Variants in ASTN2 observed in about 807,000 individuals in gnomAD.
The protein encoded by ASTN2 is astrotactin 2.
In ASTN2, 54 loss-of-function variants were observed where a neutral mutation model predicts 139.8. That is an observed-to-expected ratio of 0.39 (90% CI 0.31 to 0.48). The LOEUF (loss-of-function observed/expected upper bound fraction) is 0.48, where lower values mean the gene tolerates loss of function less well. Among genes scored for constraint, ASTN2 ranks in the 20% least tolerant of loss-of-function variants. The pLI, the probability that ASTN2 is intolerant of heterozygous loss-of-function variation, is 0.95. For synonymous variants in ASTN2, 756 were observed against 719.5 expected (o/e 1.05, Z -0.81); for missense variants, 1,565 against 1,725.1 (o/e 0.91, Z 1.64).
chr9:116,517,739 T>C (rs893048280), intron 19 of ASTN2, among the ~76,000 whole-genome samples: 10 of 152,222 alleles, frequency 6.6e-5, no homozygotes, highest in African/African-American at 2.2e-4. Flanking sequence ...GAAGTCCAAC[T>C]TGAAGAAATA....
At chr9:116,499,334 A>T (rs1467876489) in intron 19 of ASTN2, among the ~76,000 whole-genome samples, 1 of 152,152 alleles carries the variant, frequency 6.6e-6, no homozygotes, top group Non-Finnish European at 1.5e-5. Context: ...GGCAGGGATG[A>T]TGCCGGAGAG....
chr9:117,106,964 A>G (rs1407036285), intron 4 of ASTN2, among the ~76,000 whole-genome samples: 2 of 152,194 alleles, frequency 1.3e-5, no homozygotes, highest in Admixed American at 6.5e-5. Context: ...TCATCTATAC[A>G]TGTATCTATA....
At chr9:117,120,227 A>C (rs1475669025) in intron 4 of ASTN2, among the ~76,000 whole-genome samples, 1 of 151,734 alleles carries the variant, frequency 6.6e-6, no homozygotes, top group Non-Finnish European at 1.5e-5. Context: ...ACCTTCCCAC[A>C]CGTGTTCTGA....
At chr9:117,205,243 G>T (rs1346698142) in intron 3 of ASTN2, among the ~76,000 whole-genome samples, 16 of 147,744 alleles carry the variant, frequency 1.1e-4, no homozygotes. Context: ...AGGAAAGCTG[G>T]AGATAAATAT....
At chr9:116,664,371 T>C (rs896318755) in intron 16 of ASTN2, among the ~76,000 whole-genome samples, 1 of 150,984 alleles carries the variant, frequency 6.6e-6, no homozygotes, top group South Asian at 2.1e-4. Flanking sequence ...TGAGCCACCA[T>C]GTCCAGCCCA....
intron 19 of ASTN2, among the ~76,000 whole-genome samples, chr9:116,490,330 T>TG (rs1370156352): frequency 3.1e-5 from 3 of 95,526 alleles, no homozygotes; most frequent in Non-Finnish European, 6.0e-5. Flanking sequence ...AGGGTGAGGG[T>TG]AGGGGAGAGA....
At chr9:117,235,359 C>T (rs1833015859) in intron 2 of ASTN2, among the ~76,000 whole-genome samples, 1 of 152,074 alleles carries the variant, frequency 6.6e-6, no homozygotes, top group Non-Finnish European at 1.5e-5. Flanking sequence ...CATTGGAAAT[C>T]TGTGAGGTCA....
chr9:116,798,548 C>A (rs1830759513), intron 13 of ASTN2, among the ~76,000 whole-genome samples: 1 of 152,134 alleles, frequency 6.6e-6, no homozygotes, highest in Non-Finnish European at 1.5e-5. Context: ...GCTTCAGTGT[C>A]CCACAAATAT....
intron 7 of ASTN2, among the ~76,000 whole-genome samples, chr9:116,979,373 C>T (rs1186040321): frequency 6.6e-6 from 1 of 152,102 alleles, no homozygotes; most frequent in Non-Finnish European, 1.5e-5. Flanking sequence ...TACTCCTTCC[C>T]TGCAACATCA....
chr9:116,618,849 T>C (rs1264147747), intron 18 of ASTN2, among the ~76,000 whole-genome samples: 1 of 152,188 alleles, frequency 6.6e-6, no homozygotes, highest in Non-Finnish European at 1.5e-5. Context: ...TTTTCTGCCA[T>C]TTTCTTTAAT....
At chr9:117,110,280 C>T (rs1425317825) in intron 4 of ASTN2, among the ~76,000 whole-genome samples, 1 of 151,932 alleles carries the variant, frequency 6.6e-6, no homozygotes, top group Non-Finnish European at 1.5e-5. Context: ...AATGCCCATC[C>T]ATTTTGACCT....
chr9:116,596,033 T>C (rs557244838), intron 19 of ASTN2, among the ~76,000 whole-genome samples: 333 of 152,322 alleles, frequency 2.2e-3, no homozygotes, highest in African/African-American at 6.8e-3. Flanking sequence ...AACCCAAGTG[T>C]GCATCGACAA....
At chr9:117,141,564 C>G in intron 3 of ASTN2, 86 bp from the exon 4 acceptor site, 1 of 1,221,696 alleles carries the variant, frequency 8.2e-7, no homozygotes, top group Non-Finnish European at 1.1e-6. Flanking sequence ...GGCTTGAGCC[C>G]ACCTTCAGCC....
chr9:116,533,086 A>G (rs1206884276), intron 19 of ASTN2, among the ~76,000 whole-genome samples: 1 of 152,118 alleles, frequency 6.6e-6, no homozygotes, highest in Non-Finnish European at 1.5e-5. Flanking sequence ...ATCCCTTGTA[A>G]GTTGGATTCC....
intron 13 of ASTN2, among the ~76,000 whole-genome samples, chr9:116,785,780 A>C (rs1389446050): frequency 6.6e-6 from 1 of 152,078 alleles, no homozygotes; most frequent in East Asian, 1.9e-4. Flanking sequence ...AACATGCTCC[A>C]ATCCACAGTC....
chr9:117,052,702 G>A (rs4836967), intron 5 of ASTN2, among the ~76,000 whole-genome samples: 62,010 of 151,728 alleles, frequency 0.41, 14,195 homozygotes, highest in East Asian at 0.68. Flanking sequence ...TACTATATGC[G>A]AAGCCTCTGC....
chr9:116,516,837 G>A (rs566402860), intron 19 of ASTN2, among the ~76,000 whole-genome samples: 2 of 152,166 alleles, frequency 1.3e-5, no homozygotes, highest in Non-Finnish European at 2.9e-5. Flanking sequence ...TGAGGCCTGT[G>A]ACTGCTGGCT....
intron 3 of ASTN2, among the ~76,000 whole-genome samples, chr9:117,172,262 C>CA (rs1168634988): frequency 1.1e-4 from 17 of 152,120 alleles, no homozygotes; most frequent in African/African-American, 4.1e-4. Context: ...GTAGAATAGG[C>CA]ATATGCTGCC....
intron 13 of ASTN2, among the ~76,000 whole-genome samples, chr9:116,793,123 GAAAC>G (rs1830600903): frequency 3.9e-5 from 6 of 151,968 alleles, no homozygotes; most frequent in Admixed American, 3.3e-4. Context: ...TTTAAAAAGA[GAAAC>G]AAACAAAAAA....
Sources: gnomAD v4.1 joint callset for allele counts (sites outside exome capture counted in the v4.1 genomes callset) on GRCh38, gnomAD v4.1.1 for gene constraint, MANE v1.5 for transcripts, NCBI Gene and HGNC (gene_info 2026-07-23, HGNC 2026-07-21) for gene names.